Variants in CARMIL1 observed in about 807,000 individuals in gnomAD.
The protein encoded by CARMIL1 is capping protein regulator and myosin 1 linker 1.
A neutral mutation model predicts 177.1 loss-of-function variants in CARMIL1; 90 were observed. That is an observed-to-expected ratio of 0.51 (90% CI 0.43 to 0.61). The LOEUF (loss-of-function observed/expected upper bound fraction) is 0.61. Ranked by LOEUF, CARMIL1 falls within the 20% of genes least tolerant of loss-of-function variation. The probability of loss-of-function intolerance (pLI) is 0.00; values close to 1 mark genes in which losing one functional copy is unlikely to be tolerated. For missense variants in CARMIL1, 1,380 were observed against 1,667.0 expected (o/e 0.83, Z 3.00); for synonymous variants, 577 against 606.2 (o/e 0.95, Z 0.71).
At chr6:25,504,931 G>A (rs1057129492) in intron 17 of CARMIL1, among the ~76,000 whole-genome samples, 2 of 152,126 alleles carry the variant, frequency 1.3e-5, no homozygotes, top group Non-Finnish European at 1.5e-5. Flanking sequence ...CAGGGCCAGC[G>A]TCTGGTACAA....
chr6:25,488,423 A>G, intron 12 of CARMIL1, 59 bp from the exon 13 acceptor site: 1 of 1,259,104 alleles, frequency 7.9e-7, no homozygotes, highest in Non-Finnish European at 1.2e-6. Context: ...TTATAGAAAC[A>G]CAAACCTCAT....
At chr6:25,557,089 G>A (rs373731547) in intron 29 of CARMIL1, among the ~76,000 whole-genome samples, 1 of 152,002 alleles carries the variant, frequency 6.6e-6, no homozygotes, top group Non-Finnish European at 1.5e-5. Context: ...AGGAGAAATA[G>A]ATTAGGTAAC....
At chr6:25,474,215 C>T (rs1314948932) in intron 11 of CARMIL1, among the ~76,000 whole-genome samples, 2 of 151,496 alleles carry the variant, frequency 1.3e-5, no homozygotes. Flanking sequence ...TCATGCCATT[C>T]TCCTGCCTCA....
At chr6:25,312,487 G>A (rs1783912423) in intron 2 of CARMIL1, among the ~76,000 whole-genome samples, 1 of 152,030 alleles carries the variant, frequency 6.6e-6, no homozygotes, top group Non-Finnish European at 1.5e-5. Context: ...CTCCATGGAT[G>A]TAAGAAAGTA....
chr6:25,574,467 G>A (rs186800537), intron 29 of CARMIL1, among the ~76,000 whole-genome samples: 1 of 152,304 alleles, frequency 6.6e-6, no homozygotes, highest in East Asian at 1.9e-4. Flanking sequence ...TGCACAGTAT[G>A]TGCTTGGTAG....
rs2151362444 is a variant in CARMIL1, at chr6:25,619,599, A to T, written c.*16A>T. On this transcript the variant is annotated 3_prime_UTR_variant, in exon 37 of 37. Transcript: ENST00000329474. The stretch of plus-strand genomic sequence containing the variant: ...TTTTGTGTAAAGGTCACCCACGCAG[A>T]AGTCTTCCTGTGCAGGGTGCTTTGG... 2 of 1,611,826 alleles carry T rather than the reference A, an allele frequency of 1.2e-6. No homozygotes were observed. The highest frequency in any genetic ancestry group is 4.5e-5 in the East Asian group (2 of 44,774).
intron 2 of CARMIL1, among the ~76,000 whole-genome samples, chr6:25,290,369 CTTTT>C (rs910242856): frequency 5.2e-5 from 5 of 95,360 alleles, no homozygotes; most frequent in African/African-American, 2.0e-4. Flanking sequence ...TGCTGGGATT[CTTTT>C]TTTTTTTTTT....
chr6:25,612,412 A>G (rs2151338505), intron 36 of CARMIL1: 1 of 152,346 alleles, frequency 6.6e-6, no homozygotes, highest in African/African-American at 2.4e-5. Flanking sequence ...GTAAATTGCT[A>G]TGATTCTTCT....
chr6:25,511,651 C>T (rs495212), intron 20 of CARMIL1, among the ~76,000 whole-genome samples: 66,351 of 151,936 alleles, frequency 0.44, 14,887 homozygotes, highest in Middle Eastern at 0.52. Flanking sequence ...CATTTTCCCT[C>T]CTGAATTCAT....
intron 15 of CARMIL1, 36 bp from the exon 16 acceptor site, chr6:25,495,075 G>T (rs1398334897): frequency 2.5e-6 from 3 of 1,177,814 alleles, no homozygotes; most frequent in African/African-American, 3.0e-5. Flanking sequence ...TTTGATGAAG[G>T]TGTAACCGCT....
At chr6:25,545,306 C>T (rs896518289) in intron 26 of CARMIL1, among the ~76,000 whole-genome samples, 2 of 152,080 alleles carry the variant, frequency 1.3e-5, no homozygotes, top group Non-Finnish European at 2.9e-5. Context: ...TTGAATCCCA[C>T]CCAAATGGCA....
intron 2 of CARMIL1, among the ~76,000 whole-genome samples, chr6:25,392,360 A>T (rs529635733): frequency 3.3e-5 from 5 of 152,258 alleles, no homozygotes; most frequent in Middle Eastern, 3.4e-3. Context: ...TTTTCTTTAT[A>T]TCAAGCAAAA....
chr6:25,316,364 G>A (rs1481727795), intron 2 of CARMIL1, among the ~76,000 whole-genome samples: 3 of 151,980 alleles, frequency 2.0e-5, no homozygotes, highest in Non-Finnish European at 4.4e-5. Flanking sequence ...GGGACTGTCA[G>A]GGTCTCAATT....
rs143207639 is a variant in CARMIL1 at position 25,538,905 on chromosome 6, G to A, written c.2196+922G>A. 5.0e-3 allele frequency among the ~76,000 whole-genome samples: 759 copies of A among 152,188 alleles called. 5 individuals carry two copies. Among genetic ancestry groups the A allele is most frequent in the African/African-American group, 0.016 (659 of 41,522 alleles). ...CCAGTGGCCACTGATTTAATCAGTC[G>A]TGTCTATGTAATGGGTCCTCCATAA... On this transcript the variant is annotated intron_variant, in intron 25 of 36. Coordinates refer to ENST00000329474, the MANE Select transcript of CARMIL1 (RefSeq NM_017640.6).
At chr6:25,459,274 T>TTCTTCCTTTCTTCCTTTCTTCC (rs1302680954) in intron 8 of CARMIL1, among the ~76,000 whole-genome samples, 1 of 30,980 alleles carries the variant, frequency 3.2e-5, no homozygotes. Context: ...TTCTTTTTTT[T>TTCTTCCTTTCTTCCTTTCTTCC]TTTTTTAAGA....
intron 8 of CARMIL1, among the ~76,000 whole-genome samples, chr6:25,456,703 A>T (rs1310585119): frequency 6.6e-6 from 1 of 152,204 alleles, no homozygotes. Context: ...AAGAAAATAT[A>T]TAGCTTTAAC....
chr6:25,454,630 G>T (rs1799299985), intron 8 of CARMIL1, among the ~76,000 whole-genome samples: 1 of 151,136 alleles, frequency 6.6e-6, no homozygotes, highest in African/African-American at 2.4e-5. Context: ...AAAAATAGAT[G>T]GTATTCAAAA....
chr6:25,444,810 T>C (rs1798071359), intron 5 of CARMIL1, among the ~76,000 whole-genome samples: 1 of 152,192 alleles, frequency 6.6e-6, no homozygotes, highest in Non-Finnish European at 1.5e-5. Context: ...TCTTTGCTAT[T>C]GTGAATAGTG....
intron 2 of CARMIL1, among the ~76,000 whole-genome samples, chr6:25,384,894 C>T (rs961108908): frequency 6.6e-6 from 1 of 152,172 alleles, no homozygotes; most frequent in African/African-American, 2.4e-5. Context: ...GCATGGTTGC[C>T]TGTGAATTTC....
Sources: gnomAD v4.1 joint callset for allele counts (sites outside exome capture counted in the v4.1 genomes callset) on GRCh38, gnomAD v4.1.1 for gene constraint, MANE v1.5 for transcripts, NCBI Gene and HGNC (gene_info 2026-07-23, HGNC 2026-07-21) for gene names.